The following RALYL variants were observed in gnomAD, a reference collection of about 807,000 sequenced individuals.
RALYL encodes RNA-binding Raly-like protein.
In RALYL, 29 loss-of-function variants were observed where a neutral mutation model predicts 35.1. The observed-to-expected ratio is 0.83, with a 90% CI of 0.61 to 1.13. The LOEUF is 1.13. Among genes scored for constraint, RALYL ranks in the 50% most tolerant of loss-of-function variants. The pLI is 0.00. For missense variants in RALYL, 359 were observed against 360.4 expected, an observed-to-expected ratio of 1.00 and a Z score of 0.03; for synonymous variants, 120 against 127.6, an observed-to-expected ratio of 0.94 and a Z score of 0.40.
chr8:84,277,226 C>G (rs1835567237), intron 1 of RALYL, among the ~76,000 whole-genome samples: 1 of 152,066 alleles, frequency 6.6e-6, no homozygotes, highest in South Asian at 2.1e-4. Context: ...TGGTGGTAGG[C>G]AAAGGAGAAG....
chr8:84,837,294 T>G (rs17797872), intron 4 of RALYL, among the ~76,000 whole-genome samples: 12,519 of 152,248 alleles, frequency 0.082, 736 homozygotes, highest in Non-Finnish European at 0.12. Context: ...GACTTACAAT[T>G]AAGAACTCAA....
At chr8:84,254,390 A>C (rs1005008965) in intron 1 of RALYL, among the ~76,000 whole-genome samples, 2 of 152,142 alleles carry the variant, frequency 1.3e-5, no homozygotes, top group East Asian at 3.9e-4. Context: ...GAGAAGTACA[A>C]ATGGAAGGAA....
In RALYL at chr8:84,688,602, G is replaced by C. The variant is rs561306066; in HGVS notation, c.257-85977G>C. 6.6e-5 allele frequency among the ~76,000 whole-genome samples: 10 copies of C among 152,080 alleles called. 2 individuals carry two copies. The highest frequency in any genetic ancestry group is 2.4e-4 in the African/African-American group (10 of 41,520). On this transcript the variant is annotated intron_variant, in intron 2 of 8. Transcript: ENST00000521268. ...AAATTGATTAAAGATTTAAACATAAGACCTGAAACTGTAAAACTAGTAGAA... is the reference window on the plus strand; with the variant it reads ...AAATTGATTAAAGATTTAAACATAACACCTGAAACTGTAAAACTAGTAGAA...
intron 1 of RALYL, among the ~76,000 whole-genome samples, chr8:84,356,890 AT>A (rs1434723670): frequency 0.024 from 3,495 of 143,488 alleles, 199 homozygotes; most frequent in African/African-American, 0.035. Context: ...AAATATATAT[AT>A]AGAATAATAG....
intron 1 of RALYL, among the ~76,000 whole-genome samples, chr8:84,416,934 G>A (rs1383325722): frequency 2.0e-5 from 3 of 151,876 alleles, no homozygotes; most frequent in Non-Finnish European, 1.5e-5. Flanking sequence ...CTTGGTATAG[G>A]GAAAATAAGC....
At chr8:84,289,766 A>G (rs541328277) in intron 1 of RALYL, among the ~76,000 whole-genome samples, 1 of 152,200 alleles carries the variant, frequency 6.6e-6, no homozygotes, top group Admixed American at 6.5e-5. Context: ...CATTTTGTAA[A>G]GTTTTCTACA....
intron 1 of RALYL, among the ~76,000 whole-genome samples, chr8:84,400,292 A>G (rs1248398751): frequency 4.6e-5 from 7 of 152,192 alleles, no homozygotes; most frequent in Non-Finnish European, 1.0e-4. Flanking sequence ...CAGTGTTATT[A>G]ATAATTATGT....
At chr8:84,312,574 C>T (rs1435349773) in intron 1 of RALYL, among the ~76,000 whole-genome samples, 2 of 152,188 alleles carry the variant, frequency 1.3e-5, no homozygotes, top group Non-Finnish European at 2.9e-5. Flanking sequence ...CAAAACAAGG[C>T]ACAGGACCTA....
intron 2 of RALYL, among the ~76,000 whole-genome samples, chr8:84,649,086 T>C (rs928455823): frequency 6.6e-5 from 10 of 152,166 alleles, no homozygotes; most frequent in East Asian, 5.8e-4. Context: ...AAAAAGCTTA[T>C]TAATCATATT....
At chr8:84,826,667 C>T (rs1829784933) in intron 4 of RALYL, among the ~76,000 whole-genome samples, 2 of 151,874 alleles carry the variant, frequency 1.3e-5, no homozygotes, top group African/African-American at 2.4e-5. Flanking sequence ...TAGGACCCTT[C>T]ATCATCACGC....
intron 4 of RALYL, among the ~76,000 whole-genome samples, chr8:84,843,072 T>G (rs1411665029): frequency 6.6e-6 from 1 of 152,126 alleles, no homozygotes; most frequent in Non-Finnish European, 1.5e-5. Flanking sequence ...AGGGATGCCC[T>G]CTCTCACCAC....
chr8:84,269,384 C>A (rs1030508808), intron 1 of RALYL, among the ~76,000 whole-genome samples: 1 of 152,060 alleles, frequency 6.6e-6, no homozygotes, highest in African/African-American at 2.4e-5. Flanking sequence ...ATGCAGGTCT[C>A]CTATTATGAA....
At chr8:84,784,102 G>A (rs2634047) in intron 3 of RALYL, among the ~76,000 whole-genome samples, 2 of 152,032 alleles carry the variant, frequency 1.3e-5, no homozygotes, top group Admixed American at 6.5e-5. Flanking sequence ...CTTTTTTCAC[G>A]CATTCTCTGG....
intron 4 of RALYL, among the ~76,000 whole-genome samples, chr8:84,816,044 AAAAAAAAAG>A (rs1054760347): frequency 2.6e-5 from 4 of 151,428 alleles, no homozygotes; most frequent in South Asian, 4.2e-4. Context: ...AAAAAAAAAA[AAAAAAAAAG>A]AAAAAAAGAA....
In RALYL at chr8:84,573,437, T is replaced by G. The variant is rs145077986; in HGVS notation, c.256+43860T>G. On this transcript the variant is annotated intron_variant, in intron 2 of 8. Transcript: ENST00000521268. ...AAAACTGTGGTAATCTTTGCTCCTA[T>G]GTACAAAATATGTATTTTCTCCTCT... Among the ~76,000 whole-genome samples, 167 of 151,950 alleles carry G rather than the reference T, an allele frequency of 1.1e-3. 1 individual carries two copies. Among genetic ancestry groups the G allele is most frequent in the Non-Finnish European group, 2.1e-3 (140 of 67,768 alleles).
chr8:84,727,543 A>G lies in RALYL; in HGVS notation c.257-47036A>G, dbSNP rs540988219. 5.3e-5 allele frequency among the ~76,000 whole-genome samples: 8 copies of G among 152,026 alleles called. No homozygotes were observed. In the South Asian group the frequency reaches 8.3e-4, roughly 16 times the overall value. On this transcript the variant is annotated intron_variant, in intron 2 of 8. Coordinates refer to ENST00000521268, the MANE Select transcript of RALYL (RefSeq NM_173848.7). ...ATGTGCAGGTTAGTTACATATGTATACATGTGACATGCTGGTGCGCTGCAC... is the reference window on the plus strand; with the variant it reads ...ATGTGCAGGTTAGTTACATATGTATGCATGTGACATGCTGGTGCGCTGCAC...
intron 2 of RALYL, among the ~76,000 whole-genome samples, chr8:84,697,387 A>G (rs536564448): frequency 6.6e-6 from 1 of 151,984 alleles, no homozygotes; most frequent in Non-Finnish European, 1.5e-5. Flanking sequence ...ATGGGCACCT[A>G]ATTTTCTGAC....
intron 6 of RALYL, among the ~76,000 whole-genome samples, chr8:84,867,941 TA>T (rs1327745688): frequency 6.6e-6 from 1 of 152,182 alleles, no homozygotes; most frequent in African/African-American, 2.4e-5. Flanking sequence ...CCAGAAAATT[TA>T]AAAATGTGAG....
At chr8:84,575,937 G>A in intron 2 of RALYL, among the ~76,000 whole-genome samples, 1 of 150,428 alleles carries the variant, frequency 6.6e-6, no homozygotes, top group East Asian at 1.9e-4. Context: ...GACCAGGCCT[G>A]GGCAACATAG....
Sources: gnomAD v4.1 joint callset for allele counts (sites outside exome capture counted in the v4.1 genomes callset) on GRCh38, gnomAD v4.1.1 for gene constraint, MANE v1.5 for transcripts, NCBI Gene and HGNC (gene_info 2026-07-23, HGNC 2026-07-21) for gene names.